CNKSR2: variants seen among roughly 807,000 people sequenced by gnomAD.
CNKSR2 encodes CNK homolog protein 2.
Under a neutral mutation model 84.4 loss-of-function variants are expected in CNKSR2, and 14 were observed. The observed-to-expected ratio is 0.17, with a 90% confidence interval of 0.11 to 0.26. The LOEUF (loss-of-function observed/expected upper bound fraction) is 0.26. Among genes scored for constraint, CNKSR2 ranks in the 10% least tolerant of loss-of-function variants. The probability of loss-of-function intolerance (pLI) is 1.00; values close to 1 mark genes in which losing one functional copy is unlikely to be tolerated. For synonymous variants in CNKSR2, 275 were observed against 277.9 expected (o/e 0.99, Z 0.10); for missense variants, 485 against 771.2 (o/e 0.63, Z 4.40).
intron 1 of CNKSR2, among the ~76,000 whole-genome samples, chrX:21,396,434 AT>A (rs1165758055): frequency 2.7e-5 from 3 of 111,127 alleles, no homozygotes; most frequent in African/African-American, 6.5e-5. Flanking sequence ...CATCAAACAG[AT>A]TTTTTTAATG....
At chrX:21,441,801 G>A (rs2090787746) in intron 4 of CNKSR2, among the ~76,000 whole-genome samples, 1 of 111,552 alleles carries the variant, frequency 9.0e-6, no homozygotes, top group Non-Finnish European at 1.9e-5. Flanking sequence ...TCTAGGACAT[G>A]CATTTATTAC....
intron 1 of CNKSR2, among the ~76,000 whole-genome samples, chrX:21,394,282 A>G (rs2090091063): frequency 9.0e-6 from 1 of 111,730 alleles, no homozygotes; most frequent in Admixed American, 9.5e-5. Flanking sequence ...ATAAATTACT[A>G]GATATAGCTC....
At chrX:21,509,746 T>G (rs1440130726) in intron 8 of CNKSR2, among the ~76,000 whole-genome samples, 1 of 111,710 alleles carries the variant, frequency 9.0e-6, no homozygotes, top group Non-Finnish European at 1.9e-5. Context: ...GGGAAAAAAT[T>G]AGGTGAAGAT....
intron 8 of CNKSR2, among the ~76,000 whole-genome samples, chrX:21,511,649 T>C (rs762846879): frequency 9.9e-5 from 11 of 111,190 alleles, no homozygotes; most frequent in Non-Finnish European, 1.9e-4. Flanking sequence ...TTTGCAAAGA[T>C]ACAGCTAAAG....
At chrX:21,443,425 A>G (rs1202115212) in intron 4 of CNKSR2, among the ~76,000 whole-genome samples, 2 of 111,575 alleles carry the variant, frequency 1.8e-5, no homozygotes, top group Non-Finnish European at 3.8e-5. Context: ...TGAAGTGTTA[A>G]ATACAGAGTG....
Position 21,548,319 on chromosome X carries a change from G to T in CNKSR2, c.1304-13152G>T, listed in dbSNP as rs757058182. 4.5e-5 allele frequency among the ~76,000 whole-genome samples: 5 copies of T among 111,854 alleles called. No homozygotes were observed. The East Asian group carries it at 8.4e-4, about 19-fold the overall frequency. On this transcript the variant is annotated intron_variant, in intron 11 of 21. Coordinates refer to ENST00000379510, the MANE Select transcript of CNKSR2 (RefSeq NM_014927.5). ...TTACACAATTAAACTAGAAAATCTA[G>T]AAGAAATGGGTAAATTCCTGGAGAC... is the stretch of plus-strand genomic sequence containing the variant.
At chrX:21,564,441 C>A (rs181950452) in intron 13 of CNKSR2, among the ~76,000 whole-genome samples, 4 of 111,369 alleles carry the variant, frequency 3.6e-5, no homozygotes, top group Non-Finnish European at 7.6e-5. Context: ...TTAGCAAGAA[C>A]ATTTAATCCA....
At chrX:21,408,209 T>G (rs2090290306) in intron 1 of CNKSR2, among the ~76,000 whole-genome samples, 1 of 112,338 alleles carries the variant, frequency 8.9e-6, no homozygotes, top group African/African-American at 3.2e-5. Flanking sequence ...TAGCTTTTAC[T>G]TTTTATATTT....
intron 20 of CNKSR2, chrX:21,642,031 A>G: frequency 4.0e-6 from 3 of 757,808 alleles, no homozygotes; most frequent in Non-Finnish European, 4.7e-6. Flanking sequence ...TGGCTGTTTA[A>G]TGGACTCTTT....
chrX:21,375,067 C>T, intron 1 of CNKSR2, 106 bp downstream of exon 1: 1 of 689,731 alleles, frequency 1.4e-6, no homozygotes, highest in Non-Finnish European at 2.3e-6. Context: ...GCGGCTTCCA[C>T]TGGCGGATCG....
At chrX:21,452,022 G>A (rs1382456492) in intron 4 of CNKSR2, among the ~76,000 whole-genome samples, 2 of 111,302 alleles carry the variant, frequency 1.8e-5, no homozygotes, top group Non-Finnish European at 3.8e-5. Flanking sequence ...AGCTATTAAA[G>A]TTACAAGACA....
chrX:21,453,294 G>T (rs1162977337), intron 4 of CNKSR2, among the ~76,000 whole-genome samples: 1 of 111,604 alleles, frequency 9.0e-6, no homozygotes, highest in African/African-American at 3.3e-5. Flanking sequence ...TATATACTTT[G>T]CTATACATAT....
intron 11 of CNKSR2, among the ~76,000 whole-genome samples, chrX:21,541,860 A>AT (rs2091980218): frequency 8.9e-6 from 1 of 112,092 alleles, no homozygotes; most frequent in South Asian, 3.7e-4. Flanking sequence ...ACTCATGGAT[A>AT]TTTTTTTGAC....
intron 20 of CNKSR2, among the ~76,000 whole-genome samples, chrX:21,626,080 A>G (rs1036545046): frequency 9.0e-6 from 1 of 110,725 alleles, no homozygotes; most frequent in African/African-American, 3.3e-5. Context: ...AGTATATTAG[A>G]TGTTTTGAGA....
chrX:21,380,527 A>G (rs183672331), intron 1 of CNKSR2, among the ~76,000 whole-genome samples: 1 of 103,695 alleles, frequency 9.6e-6, no homozygotes, highest in Non-Finnish European at 2.0e-5. Context: ...GCTCACTGCA[A>G]CCTCCGCCTC....
chrX:21,426,668 C>T lies in CNKSR2; in HGVS notation c.228+8C>T. On this transcript the variant is annotated splice_region_variant and intron_variant, in intron 2 of 21. Transcript: ENST00000379510. ...GACCTTCTGTGTGCATTGGTAAGGA[C>T]ATAAAACTGGTGAAGAGGGAAACTT... 8.5e-7 allele frequency: 1 copy of T among 1,176,095 alleles called. No individual in the cohort carries two copies.
rs966867635 is a variant in CNKSR2 at position 21,429,468 on chromosome X, A to G, written c.228+2808A>G. ...GCCTAACACAAAAGGTGCTTGATAT[A>G]CTTGTCAGTTCTTTAAATGGTAGGT... is the stretch of plus-strand genomic sequence containing the variant. On this transcript the variant is annotated intron_variant, in intron 2 of 21. Transcript: ENST00000379510. 4 of 112,038 alleles carry G rather than the reference A, an allele frequency of 3.6e-5. No individual in the cohort carries two copies. The Admixed American group carries it at 3.8e-4, about 11-fold the overall frequency. The allele number at this position is 112,038 out of a possible 1,213,427, so 9.2% of individuals were successfully genotyped here.
chrX:21,385,853 G>A (rs769223308), intron 1 of CNKSR2, among the ~76,000 whole-genome samples: 2 of 110,118 alleles, frequency 1.8e-5, no homozygotes, highest in South Asian at 3.9e-4. Flanking sequence ...CTAGTGAGAT[G>A]TGCGTGTGCG....
At position 21,440,846 on chromosome X, in the gene CNKSR2, T is replaced by A. The variant is rs188224310; in HGVS notation, c.519+65T>A. On this transcript the variant is annotated intron_variant, in intron 4 of 21. Coordinates refer to ENST00000379510, the MANE Select transcript of CNKSR2 (RefSeq NM_014927.5). ...AACTTCATATTCCAACAATGGGAAG[T>A]ATCCTATGTACCAAGAGTTTTTAAG... 17 of 664,954 alleles carry A rather than the reference T, an allele frequency of 2.6e-5. No homozygotes were observed. The East Asian group carries it at 5.6e-4, about 22-fold the overall frequency. The allele number at this position is 664,954 out of a possible 1,213,427, so 54.8% of individuals were successfully genotyped here. A position where few individuals can be genotyped will look rare whatever the true frequency, so the allele number is the denominator to read the frequency against.
Sources: gnomAD v4.1 joint callset for allele counts (sites outside exome capture counted in the v4.1 genomes callset) on GRCh38, gnomAD v4.1.1 for gene constraint, MANE v1.5 for transcripts, NCBI Gene and HGNC (gene_info 2026-07-23, HGNC 2026-07-21) for gene names.